The following FANCC variants were observed in gnomAD, a reference collection of about 807,000 sequenced individuals.
FANCC encodes the protein FA complementation group C.
Under a neutral mutation model 71.3 loss-of-function variants are expected in FANCC, and 55 were observed. That is an observed-to-expected ratio of 0.77 (90% CI 0.62 to 0.97). FANCC has a LOEUF of 0.97. Ranked by LOEUF, FANCC falls within the 50% of genes least tolerant of loss-of-function variation. FANCC has a pLI of 0.00. For missense variants in FANCC, 678 were observed against 670.9 expected (o/e 1.01, Z -0.12); for synonymous variants, 275 against 244.9 (o/e 1.12, Z -1.15).
At chr9:95,122,057 A>G (rs879273784) in intron 10 of FANCC, among the ~76,000 whole-genome samples, 1 of 151,842 alleles carries the variant, frequency 6.6e-6, no homozygotes, top group Non-Finnish European at 1.5e-5. Flanking sequence ...ACAGGGTTTC[A>G]CCGTGTTAGC....
intron 4 of FANCC, among the ~76,000 whole-genome samples, chr9:95,222,210 A>G (rs1336800405): frequency 6.6e-6 from 1 of 151,508 alleles, no homozygotes; most frequent in Non-Finnish European, 1.5e-5. Context: ...ACTTACTCAT[A>G]GCCAAAAACT....
intron 4 of FANCC, among the ~76,000 whole-genome samples, chr9:95,176,744 C>T (rs570919628): frequency 8.5e-5 from 13 of 152,368 alleles, no homozygotes; most frequent in Admixed American, 3.3e-4. Flanking sequence ...GAGCGCAAGG[C>T]GCTACAAACC....
chr9:95,292,909 G>C lies in FANCC; in HGVS notation c.-79+24617C>G. 5 of 1,582,564 alleles carry C rather than the reference G, an allele frequency of 3.2e-6. No homozygotes were observed. In the East Asian group the frequency reaches 6.7e-5, roughly 21 times the overall value. On this transcript the variant is annotated intron_variant, in intron 1 of 14. Transcript: ENST00000289081. ...GCAGAGGACTGTGGCAAGACCTTCC[G>C]GTGCACATGCGGCTGTCCCTACGCC...
chr9:95,268,834 C>A (rs928303040), intron 1 of FANCC, among the ~76,000 whole-genome samples: 7 of 152,294 alleles, frequency 4.6e-5, no homozygotes, highest in African/African-American at 1.7e-4. Context: ...CATGTGATGC[C>A]CTCCAGGTGT....
chr9:95,193,061 G>A (rs1827207278), intron 4 of FANCC, among the ~76,000 whole-genome samples: 1 of 152,200 alleles, frequency 6.6e-6, no homozygotes. Flanking sequence ...AACAAGAGTT[G>A]AGGTGGCTGC....
intron 3 of FANCC, among the ~76,000 whole-genome samples, chr9:95,244,206 T>G (rs908795543): frequency 2.6e-5 from 4 of 152,218 alleles, no homozygotes; most frequent in Non-Finnish European, 4.4e-5. Context: ...ATCTTCAAGT[T>G]TGCCCCAGCA....
Position 95,116,098 on chromosome 9 carries a change from G to A in FANCC, c.1072+1217C>T, listed in dbSNP as rs573509908. Among the ~76,000 whole-genome samples the A allele has an allele frequency of 2.7e-4, 41 of 152,302 alleles. No individual in the cohort carries two copies. In the South Asian group the frequency reaches 7.5e-3, roughly 28 times the overall value. On this transcript the variant is annotated intron_variant, in intron 11 of 14. Coordinates refer to ENST00000289081, the MANE Select transcript of FANCC (RefSeq NM_000136.3). The stretch of plus-strand genomic sequence containing the variant: ...ACATAAATCTACAAGTTACACAAAC[G>A]GAAAGGTAAAGGGTTGGGCCCATGC...
chr9:95,109,004 C>T lies in FANCC; in HGVS notation c.1330-1735G>A, dbSNP rs150183381. On this transcript the variant is annotated intron_variant, in intron 13 of 14. Coordinates refer to ENST00000289081, the MANE Select transcript of FANCC (RefSeq NM_000136.3). ...CACTGCAACCTCTGCCTCCTGAGCTCAAGCGATCCTTCCATCTATCTCAGC... is the reference window on the plus strand; with the variant it reads ...CACTGCAACCTCTGCCTCCTGAGCTTAAGCGATCCTTCCATCTATCTCAGC... Among the ~76,000 whole-genome samples the T allele has an allele frequency of 4.0e-3, 614 of 152,114 alleles. 4 individuals are homozygous for T. Among genetic ancestry groups the T allele is most frequent in the African/African-American group, 0.014 (575 of 41,480 alleles).
chr9:95,162,255 G>A (rs1361871590), intron 6 of FANCC, among the ~76,000 whole-genome samples: 1 of 152,146 alleles, frequency 6.6e-6, no homozygotes, highest in Admixed American at 6.5e-5. Flanking sequence ...ATGTCCTTAA[G>A]TTTCATCCAC....
chr9:95,274,310 T>C (rs553320652), intron 1 of FANCC, among the ~76,000 whole-genome samples: 1 of 152,330 alleles, frequency 6.6e-6, no homozygotes, highest in Non-Finnish European at 1.5e-5. Flanking sequence ...TTGCTGAGAA[T>C]GATCGTTTCC....
chr9:95,099,870 A>G lies in FANCC; in HGVS notation c.*1837T>C, dbSNP rs2071020455. The G allele has an allele frequency of 1.7e-5, 4 of 232,462 alleles. No individual in the cohort carries two copies. The highest frequency in any genetic ancestry group is 1.2e-3 in the Middle Eastern group (1 of 830). The allele number at this position is 232,462 out of a possible 1,614,324, so 14.4% of individuals were successfully genotyped here. On this transcript the variant is annotated 3_prime_UTR_variant, in exon 15 of 15. Transcript: ENST00000289081. ...GCCTAGCTTCACCAGTCCCAGGAGA[A>G]GGAAGGAAGGGGCATGGGCAGAGGC...
At chr9:95,109,099 G>GAGAC (rs771011872) in intron 13 of FANCC, among the ~76,000 whole-genome samples, 1 of 152,092 alleles carries the variant, frequency 6.6e-6, no homozygotes, top group Admixed American at 6.5e-5. Flanking sequence ...TTTTTTTGTA[G>GAGAC]AGACAGGGGT....
chr9:95,247,437 G>A lies in FANCC; in HGVS notation c.245C>T (p.Ala82Val). The stretch of plus-strand genomic sequence containing the variant: ...GACACGTTTTTGATTCTTACCATAT[G>A]CTAAAATAAAAGGATTCCAACAAGC... ...AKACWNPFIL[A>V]YDESQKILIW... Residue 82 changes from alanine to valine, a missense_variant, in exon 3 of 15, where the codon GCA becomes GTA. By Grantham distance (64) the Ala-to-Val change is moderately conservative. Coordinates refer to ENST00000289081, the MANE Select transcript of FANCC (RefSeq NM_000136.3). 1 of 1,611,236 alleles carries A rather than the reference G, an allele frequency of 6.2e-7. No individual in the cohort carries two copies. Among genetic ancestry groups the A allele is most frequent in the Middle Eastern group, 1.7e-4 (1 of 6,054 alleles).
At chr9:95,114,742 A>C (rs1339019246) in intron 11 of FANCC, 32 bp from the exon 12 acceptor site, 1 of 1,595,602 alleles carries the variant, frequency 6.3e-7, no homozygotes, top group Admixed American at 1.7e-5. Context: ...TCAGAGGGCA[A>C]CTGAGGAAAT....
chr9:95,222,548 T>C (rs947736288), intron 4 of FANCC, among the ~76,000 whole-genome samples: 1 of 152,200 alleles, frequency 6.6e-6, no homozygotes, highest in African/African-American at 2.4e-5. Context: ...ACATGTTTTG[T>C]TTCTTGATTG....
At chr9:95,297,162 A>C (rs1834429204) in intron 1 of FANCC, among the ~76,000 whole-genome samples, 1 of 152,212 alleles carries the variant, frequency 6.6e-6, no homozygotes, top group Non-Finnish European at 1.5e-5. Flanking sequence ...GACTGAGGCA[A>C]GAGGGACTTT....
At position 95,205,503 on chromosome 9, in the gene FANCC, C is replaced by T. The variant is rs1004086042; in HGVS notation, c.346-33356G>A. The stretch of plus-strand genomic sequence containing the variant: ...TAGGGAAGGAAAGAAGAGAAAGGTG[C>T]GCATCTGTAATATTAACTGTTCTTT... On this transcript the variant is annotated intron_variant, in intron 4 of 14. Coordinates refer to ENST00000289081, the MANE Select transcript of FANCC (RefSeq NM_000136.3). Among the ~76,000 whole-genome samples the T allele has an allele frequency of 4.0e-5, 6 of 151,506 alleles. No homozygotes were observed. The South Asian group carries it at 6.2e-4, about 16-fold the overall frequency.
intron 4 of FANCC, among the ~76,000 whole-genome samples, chr9:95,225,635 C>T (rs369049498): frequency 1.3e-5 from 2 of 152,180 alleles, no homozygotes; most frequent in East Asian, 3.8e-4. Flanking sequence ...ACATCCTGTT[C>T]CTAATTGGCA....
chr9:95,216,744 G>A (rs1828887175), intron 4 of FANCC, among the ~76,000 whole-genome samples: 1 of 152,100 alleles, frequency 6.6e-6, no homozygotes, highest in Non-Finnish European at 1.5e-5. Flanking sequence ...ATTTATCTAG[G>A]ACTCTCTGCA....
Sources: allele counts gnomAD v4.1 joint callset (sites outside exome capture counted in the v4.1 genomes callset), GRCh38; gene constraint gnomAD v4.1.1; transcripts MANE v1.5; gene names NCBI Gene and HGNC (gene_info 2026-07-23, HGNC 2026-07-21).